FHIT: variants seen among roughly 807,000 people sequenced by gnomAD.
FHIT encodes fragile histidine triad diadenosine triphosphatase.
Under a neutral mutation model 17.9 loss-of-function variants are expected in FHIT, and 19 were observed. The observed-to-expected ratio is 1.06, with a 90% CI of 0.74 to 1.56. The LOEUF (loss-of-function observed/expected upper bound fraction) is 1.56. Ranked by LOEUF, FHIT falls within the 40% of genes most tolerant of loss-of-function variation. The pLI, the probability that FHIT is intolerant of heterozygous loss-of-function variation, is 0.00. For synonymous variants in FHIT, 81 were observed against 69.7 expected, an observed-to-expected ratio of 1.16 and a Z score of -0.81; for missense variants, 248 against 189.2, an observed-to-expected ratio of 1.31 and a Z score of -1.82.
intron 3 of FHIT, among the ~76,000 whole-genome samples, chr3:60,826,430 G>A (rs903058685): frequency 4.6e-5 from 7 of 152,082 alleles, no homozygotes; most frequent in Admixed American, 2.6e-4. Context: ...AGGTTCAAGC[G>A]ATTCTCCTGC....
At chr3:60,559,424 C>T (rs2036854095) in intron 4 of FHIT, among the ~76,000 whole-genome samples, 1 of 152,164 alleles carries the variant, frequency 6.6e-6, no homozygotes, top group African/African-American at 2.4e-5. Flanking sequence ...CAGCTAAATT[C>T]CCTAAAGATA....
At chr3:60,924,495 G>C (rs537863070) in intron 3 of FHIT, among the ~76,000 whole-genome samples, 1 of 152,176 alleles carries the variant, frequency 6.6e-6, no homozygotes, top group East Asian at 1.9e-4. Flanking sequence ...GCAGCTGAGA[G>C]TCCTGACTGT....
Position 60,077,238 on chromosome 3 carries a change from A to T in FHIT, c.104-63086T>A, listed in dbSNP as rs976726956. 5.9e-5 allele frequency: 9 copies of T among 152,138 alleles called. No homozygotes were observed. The South Asian group carries it at 1.7e-3, about 28-fold the overall frequency. 9.4% of individuals were successfully genotyped at this position (152,138 alleles called of 1,614,324 possible). A position where few individuals can be genotyped will look rare whatever the true frequency, so the allele number is the denominator to read the frequency against. ...CGTGAATTCATAATTTTTAATATATAAACTGAGAGATATGGAAATATATAT... is the reference window on the plus strand; with the variant it reads ...CGTGAATTCATAATTTTTAATATATTAACTGAGAGATATGGAAATATATAT... On this transcript the variant is annotated intron_variant, in intron 5 of 9. Transcript: ENST00000492590.
At chr3:60,382,772 A>G (rs1700860671) in intron 5 of FHIT, among the ~76,000 whole-genome samples, 1 of 152,168 alleles carries the variant, frequency 6.6e-6, no homozygotes, top group South Asian at 2.1e-4. Flanking sequence ...ACTGTATACA[A>G]CATATCAAAT....
At chr3:59,949,435 G>A (rs1220025328) in intron 7 of FHIT, among the ~76,000 whole-genome samples, 2 of 152,192 alleles carry the variant, frequency 1.3e-5, no homozygotes, top group African/African-American at 2.4e-5. Flanking sequence ...TCCACCAAGT[G>A]ACTGAATCAA....
chr3:60,392,015 T>C (rs1701252109), intron 5 of FHIT, among the ~76,000 whole-genome samples: 1 of 152,096 alleles, frequency 6.6e-6, no homozygotes, highest in African/African-American at 2.4e-5. Context: ...ATCAACTCAA[T>C]ACAGAGATTA....
intron 4 of FHIT, among the ~76,000 whole-genome samples, chr3:60,743,249 T>C (rs1379540589): frequency 2.0e-5 from 3 of 152,220 alleles, no homozygotes; most frequent in East Asian, 3.9e-4. Flanking sequence ...GATCAAATTA[T>C]ATATAAAGCA....
chr3:59,756,560 A>G (rs997967238), intron 8 of FHIT, among the ~76,000 whole-genome samples: 1 of 152,210 alleles, frequency 6.6e-6, no homozygotes, highest in Admixed American at 6.5e-5. Flanking sequence ...ACATCCTGAT[A>G]TGAAACAATG....
At chr3:60,428,448 G>C (rs151231598) in intron 5 of FHIT, among the ~76,000 whole-genome samples, 38 of 152,236 alleles carry the variant, frequency 2.5e-4, no homozygotes, top group African/African-American at 8.9e-4. Flanking sequence ...AGGGTAAACT[G>C]AATCAATGTC....
intron 4 of FHIT, among the ~76,000 whole-genome samples, chr3:60,627,982 C>T (rs2039338125): frequency 6.6e-6 from 1 of 152,084 alleles, no homozygotes; most frequent in Non-Finnish European, 1.5e-5. Flanking sequence ...TCTGTTCCAA[C>T]CTTTATTATT....
rs1257699686 is a variant in FHIT at position 59,986,731 on chromosome 3, A to T, written c.279+24640T>A. 3.3e-4 allele frequency among the ~76,000 whole-genome samples: 2 copies of T among 6,096 alleles called. 1 individual carries two copies. Among genetic ancestry groups the T allele is most frequent in the East Asian group, 0.022 (2 of 90 alleles). 4.0% of individuals were successfully genotyped at this position (6,096 alleles called of 152,430 possible). On this transcript the variant is annotated intron_variant, in intron 7 of 9. Transcript: ENST00000492590. ...ATAAATATATACATATATTTATATAAATATATACATATATTTATATATATA... is the reference window on the plus strand; with the variant it reads ...ATAAATATATACATATATTTATATATATATATACATATATTTATATATATA...
chr3:59,785,643 T>A (rs1702817478), intron 8 of FHIT, among the ~76,000 whole-genome samples: 1 of 152,186 alleles, frequency 6.6e-6, no homozygotes, highest in African/African-American at 2.4e-5. Context: ...TCAGTGCATG[T>A]ATTCAGGTAG....
intron 8 of FHIT, among the ~76,000 whole-genome samples, chr3:59,868,335 C>T (rs962051473): frequency 2.5e-4 from 26 of 105,428 alleles, no homozygotes; most frequent in South Asian, 1.5e-3. Context: ...CATTTCCACG[C>T]GGAAAAAAAA....
chr3:60,888,021 AATG>A (rs1553759704), intron 3 of FHIT, among the ~76,000 whole-genome samples: 1 of 152,190 alleles, frequency 6.6e-6, no homozygotes, highest in Admixed American at 6.5e-5. Flanking sequence ...TAAAAGATTA[AATG>A]ATATTTCCAA....
intron 8 of FHIT, among the ~76,000 whole-genome samples, chr3:59,913,636 A>C (rs2107151111): frequency 6.6e-6 from 1 of 152,282 alleles, no homozygotes; most frequent in Admixed American, 6.5e-5. Context: ...CAATGACAAT[A>C]ATAATTGTAT....
At chr3:61,076,819 T>G (rs923468591) in intron 2 of FHIT, among the ~76,000 whole-genome samples, 2 of 152,190 alleles carry the variant, frequency 1.3e-5, no homozygotes, top group African/African-American at 4.8e-5. Context: ...CAATACATTT[T>G]CCTTACACTG....
chr3:60,790,718 C>T (rs1248153273), intron 4 of FHIT, among the ~76,000 whole-genome samples: 6 of 152,116 alleles, frequency 3.9e-5, no homozygotes, highest in African/African-American at 1.4e-4. Flanking sequence ...CTGTATGATA[C>T]TACGAGAGAT....
chr3:59,882,878 C>G (rs1253678956), intron 8 of FHIT, among the ~76,000 whole-genome samples: 1 of 152,200 alleles, frequency 6.6e-6, no homozygotes, highest in East Asian at 1.9e-4. Flanking sequence ...GTTTCTTAAG[C>G]TGATAAAAGG....
At chr3:60,553,361 G>A (rs182495855) in intron 4 of FHIT, 154 of 976,318 alleles carry the variant, frequency 1.6e-4, no homozygotes, top group Non-Finnish European at 1.8e-4. Context: ...GTGTTTTTAC[G>A]TAATGTGAAT....
Sources: allele counts gnomAD v4.1 joint callset (sites outside exome capture counted in the v4.1 genomes callset), GRCh38; gene constraint gnomAD v4.1.1; transcripts MANE v1.5; gene names NCBI Gene and HGNC (gene_info 2026-07-23, HGNC 2026-07-21).